Variants in CSMD1 observed in about 807,000 individuals in gnomAD.
CSMD1 encodes CUB and Sushi multiple domains 1, also known as CUB and sushi domain-containing protein 1.
Under a neutral mutation model 417.5 loss-of-function variants are expected in CSMD1, and 213 were observed. The observed-to-expected ratio is 0.51, with a 90% CI of 0.46 to 0.57. The LOEUF (loss-of-function observed/expected upper bound fraction) is 0.57, where lower values mean the gene tolerates loss of function less well. CSMD1 is among the 20% of genes least tolerant of loss of function. CSMD1 has a pLI of 0.00. For synonymous variants in CSMD1, 2,862 were observed against 1,736.8 expected (o/e 1.65, Z -16.11); for missense variants, 6,923 against 4,529.7 (o/e 1.53, Z -15.17).
At chr8:4,415,446 C>A (rs970081743) in intron 3 of CSMD1, among the ~76,000 whole-genome samples, 1 of 149,394 alleles carries the variant, frequency 6.7e-6, no homozygotes, top group Non-Finnish European at 1.5e-5. Context: ...ATAACACGCT[C>A]TTCAGGTCGT....
intron 17 of CSMD1, 148 bp from the exon 18 acceptor site, chr8:3,387,830 AG>A: frequency 1.6e-6 from 1 of 638,960 alleles, no homozygotes. Context: ...TGGACATAAA[AG>A]CCAATGCATC....
intron 26 of CSMD1, among the ~76,000 whole-genome samples, chr8:3,270,341 C>T (rs773435689): frequency 9.2e-5 from 14 of 152,128 alleles, no homozygotes; most frequent in Non-Finnish European, 1.6e-4. Context: ...CAGGCATGAG[C>T]CACTGCACCT....
intron 1 of CSMD1, among the ~76,000 whole-genome samples, chr8:4,859,124 T>A (rs1318216896): frequency 6.6e-6 from 1 of 152,054 alleles, no homozygotes; most frequent in African/African-American, 2.4e-5. Context: ...TATCTGCAAC[T>A]ATCTGATCTT....
chr8:4,809,658 G>A (rs907224445), intron 1 of CSMD1, among the ~76,000 whole-genome samples: 2 of 152,124 alleles, frequency 1.3e-5, no homozygotes, highest in Non-Finnish European at 2.9e-5. Context: ...AACTTTTCTA[G>A]GGGCCATATT....
chr8:4,458,588 AG>A (rs937555360), intron 2 of CSMD1, among the ~76,000 whole-genome samples: 1 of 152,206 alleles, frequency 6.6e-6, no homozygotes, highest in Non-Finnish European at 1.5e-5. Context: ...AGTAAATACA[AG>A]GAAAAAAAAG....
intron 7 of CSMD1, among the ~76,000 whole-genome samples, chr8:3,666,534 A>G (rs1026691901): frequency 1.3e-5 from 2 of 152,100 alleles, no homozygotes. Flanking sequence ...CCTTTTTTGA[A>G]AGCTGCCTGA....
intron 3 of CSMD1, among the ~76,000 whole-genome samples, chr8:4,057,899 G>T (rs149666336): frequency 6.6e-6 from 1 of 151,938 alleles, no homozygotes; most frequent in African/African-American, 2.4e-5. Context: ...CTATATCTCT[G>T]TTTTGGTACC....
chr8:4,742,374 C>A (rs1269021882), intron 1 of CSMD1, among the ~76,000 whole-genome samples: 1 of 151,962 alleles, frequency 6.6e-6, no homozygotes, highest in Non-Finnish European at 1.5e-5. Flanking sequence ...CCGACTGTAT[C>A]ATGAGAAATT....
intron 3 of CSMD1, among the ~76,000 whole-genome samples, chr8:4,093,599 T>C (rs1276460128): frequency 1.3e-5 from 2 of 152,156 alleles, no homozygotes; most frequent in African/African-American, 4.8e-5. Context: ...TCGGTATGCT[T>C]TTTCCCTATT....
chr8:3,969,098 A>G (rs1416303090), intron 5 of CSMD1, among the ~76,000 whole-genome samples: 1 of 152,130 alleles, frequency 6.6e-6, no homozygotes, highest in Non-Finnish European at 1.5e-5. Flanking sequence ...TAAAAATACA[A>G]AAATTAGCCA....
At chr8:4,583,371 A>G (rs1224973912) in intron 2 of CSMD1, among the ~76,000 whole-genome samples, 1 of 151,698 alleles carries the variant, frequency 6.6e-6, no homozygotes, top group Non-Finnish European at 1.5e-5. Flanking sequence ...TTCTGTATCT[A>G]GCTCAAGGTT....
At chr8:4,732,869 C>T (rs571055082) in intron 1 of CSMD1, among the ~76,000 whole-genome samples, 56 of 152,250 alleles carry the variant, frequency 3.7e-4, no homozygotes, top group Non-Finnish European at 6.6e-4. Flanking sequence ...ATTCATTTAG[C>T]AAGCATTTAT....
At chr8:4,255,351 G>C (rs1034506228) in intron 3 of CSMD1, among the ~76,000 whole-genome samples, 4 of 152,082 alleles carry the variant, frequency 2.6e-5, no homozygotes, top group Admixed American at 1.3e-4. Context: ...CATTGTTCTT[G>C]AGCCCAGAGC....
chr8:4,080,940 G>C (rs904860584), intron 3 of CSMD1, among the ~76,000 whole-genome samples: 1 of 152,074 alleles, frequency 6.6e-6, no homozygotes, highest in Non-Finnish European at 1.5e-5. Flanking sequence ...TTAGGCTCTG[G>C]GGACTCTACC....
intron 5 of CSMD1, among the ~76,000 whole-genome samples, chr8:3,869,866 T>G (rs1037424834): frequency 6.6e-6 from 1 of 151,882 alleles, no homozygotes; most frequent in African/African-American, 2.4e-5. Context: ...TTATCCTTAC[T>G]GATCTAATTT....
At chr8:4,118,317 G>C (rs1457071459) in intron 3 of CSMD1, among the ~76,000 whole-genome samples, 2 of 151,628 alleles carry the variant, frequency 1.3e-5, no homozygotes, top group African/African-American at 4.8e-5. Flanking sequence ...GTTTACTGCA[G>C]CAAACTTAAA....
chr8:3,692,506 A>T (rs924152008), intron 7 of CSMD1, among the ~76,000 whole-genome samples: 7 of 151,336 alleles, frequency 4.6e-5, no homozygotes, highest in African/African-American at 1.7e-4. Context: ...CACTGGCGCG[A>T]TATCGGCTCA....
chr8:4,893,375 C>T (rs372085626), intron 1 of CSMD1, among the ~76,000 whole-genome samples: 2 of 151,836 alleles, frequency 1.3e-5, no homozygotes, highest in African/African-American at 4.8e-5. Context: ...GTTTACCATG[C>T]TTTTATTAAT....
At chr8:3,693,907 T>C (rs1800394494) in intron 7 of CSMD1, among the ~76,000 whole-genome samples, 1 of 150,256 alleles carries the variant, frequency 6.7e-6, no homozygotes, top group African/African-American at 2.4e-5. Context: ...TGTTGGCGTC[T>C]TGTGTGTGTG....
Sources: gnomAD v4.1 joint callset for allele counts (sites outside exome capture counted in the v4.1 genomes callset) on GRCh38, gnomAD v4.1.1 for gene constraint, MANE v1.5 for transcripts, NCBI Gene and HGNC (gene_info 2026-07-23, HGNC 2026-07-21) for gene names.